The following OR51L1 variants were observed in gnomAD, a reference collection of about 807,000 sequenced individuals.
The protein encoded by OR51L1 is olfactory receptor family 51 subfamily L member 1.
OR51L1 carries 1 observed loss-of-function variant against 1.4 expected under a neutral mutation model. That is an observed-to-expected ratio of 0.72 (90% CI 0.26 to 3.42). The LOEUF is 3.42. OR51L1 is among the 30% of genes most tolerant of loss of function. The pLI is 0.20. For synonymous variants in OR51L1, 156 were observed against 144.2 expected (o/e 1.08, Z -0.59); for missense variants, 378 against 380.0 (o/e 0.99, Z 0.04).
rs749932886 is a variant in OR51L1, at chr11:4,999,528, G to A, written c.546G>A (p.Leu182=). Residue 182 remains leucine, a synonymous_variant, in exon 3 of 3, where the codon TTG becomes TTA. Transcript: ENST00000641819. ...ATGCCCTCTCTCACGCCTTCTGTTTGCACCAGGATGTTCTAAGATTATCCT... is the reference window on the plus strand; with the variant it reads ...ATGCCCTCTCTCACGCCTTCTGTTTACACCAGGATGTTCTAAGATTATCCT... The part of the protein sequence containing the change: ...HGNALSHAFC[L]HQDVLRLSCT... The A allele has an allele frequency of 1.9e-6, 3 of 1,614,002 alleles. No homozygotes were observed. Among genetic ancestry groups the A allele is most frequent in the Non-Finnish European group, 2.5e-6 (3 of 1,179,984 alleles).
rs949330512 is a variant in OR51L1, at chr11:5,001,507, A to G, written c.*1577A>G. ...CAGGATTTTGTGTCTTAATTTGTGAATGGGTTAAGAGTTGTGCACAATCTC... is the reference window on the plus strand; with the variant it reads ...CAGGATTTTGTGTCTTAATTTGTGAGTGGGTTAAGAGTTGTGCACAATCTC... On this transcript the variant is annotated 3_prime_UTR_variant, in exon 3 of 3. Transcript: ENST00000641819. 2 of 152,174 alleles carry G rather than the reference A, an allele frequency of 1.3e-5. No individual in the cohort carries two copies. Among genetic ancestry groups the G allele is most frequent in the Non-Finnish European group, 2.9e-5 (2 of 68,034 alleles). The allele number at this position is 152,174 out of a possible 1,614,324, so 9.4% of individuals were successfully genotyped here. A position where few individuals can be genotyped will look rare whatever the true frequency, so the allele number is the denominator to read the frequency against.
chr11:4,999,517 G>A lies in OR51L1; in HGVS notation c.535G>A (p.Ala179Thr), dbSNP rs114511237. 24 of 1,613,796 alleles carry A rather than the reference G, an allele frequency of 1.5e-5. No homozygotes were observed. The highest frequency in any genetic ancestry group is 8.0e-5 in the African/African-American group (6 of 74,844). ...HYCHGNALSHAFCLHQDVLRL... is the reference protein window; with the variant it reads ...HYCHGNALSHTFCLHQDVLRL... Reference sequence around the variant, plus strand: ...CTGCCATGGCAATGCCCTCTCTCACGCCTTCTGTTTGCACCAGGATGTTCT... The same window carrying A: ...CTGCCATGGCAATGCCCTCTCTCACACCTTCTGTTTGCACCAGGATGTTCT... Residue 179 changes from alanine (A) to threonine (T), a missense_variant, in exon 3 of 3, where the codon GCC becomes ACC. By Grantham distance (58) the Ala-to-Thr change is moderately conservative. Transcript: ENST00000641819.
Position 4,999,703 on chromosome 11 carries a change from A to G in OR51L1, c.721A>G (p.Asn241Asp). Residue 241 changes from asparagine (N) to aspartate (D), a missense_variant, in exon 3 of 3, where the codon AAC (asparagine) becomes GAC (aspartate). Asn to Asp is a conservative substitution (Grantham distance 23, BLOSUM62 1). Coordinates refer to ENST00000641819, the MANE Select transcript of OR51L1 (RefSeq NM_001004755.2). ...TCGTGAAGAGCAGCTAAAGGCACTC[A>G]ACACATGTGTATCCCATATCTGTGT... The part of the protein sequence containing the change: ...ASREEQLKAL[N>D]TCVSHICVVL... 1 of 1,613,970 alleles carries G rather than the reference A, an allele frequency of 6.2e-7. No individual in the cohort carries two copies.
Position 4,999,828 on chromosome 11 carries a change from CCTT to C in OR51L1, c.854_856del (p.Leu285del), listed in dbSNP as rs540001194. On this transcript the variant is annotated inframe_deletion, in exon 3 of 3. Coordinates refer to ENST00000641819, the MANE Select transcript of OR51L1 (RefSeq NM_001004755.2). The stretch of plus-strand genomic sequence containing the variant: ...TCCACATCCTCATGGCAGACATCTA[CCTT>C]CTTCTTCCCCCAGTCCTTAACCCTA... 2.6e-4 allele frequency: 412 copies of C among 1,613,976 alleles called. 1 individual carries two copies. In the African/African-American group the frequency reaches 4.7e-3, roughly 19 times the overall value.
intron 1 of OR51L1, among the ~76,000 whole-genome samples, chr11:4,997,011 C>G (rs1847079463): frequency 6.6e-6 from 1 of 152,034 alleles, no homozygotes; most frequent in Non-Finnish European, 1.5e-5. Context: ...AACACATACT[C>G]TGCTGGGTGT....
Position 5,004,000 on chromosome 11 carries a change from T to C in OR51L1, c.*4070T>C, listed in dbSNP as rs1457802553. 6.6e-6 allele frequency: 1 copy of C among 152,198 alleles called. No homozygotes were observed. The highest frequency in any genetic ancestry group is 1.5e-5 in the Non-Finnish European group (1 of 68,032). The allele number at this position is 152,198 out of a possible 1,614,324, so 9.4% of individuals were successfully genotyped here. A position where few individuals can be genotyped will look rare whatever the true frequency, so the allele number is the denominator to read the frequency against. ...GACAAAAATCACACAGTAATTTGAA[T>C]AGAGTTTATAAATACAAATACTTAT... On this transcript the variant is annotated 3_prime_UTR_variant, in exon 3 of 3. Transcript: ENST00000641819.
At chr11:4,996,116 G>T (rs1347499257) in intron 1 of OR51L1, among the ~76,000 whole-genome samples, 2 of 152,066 alleles carry the variant, frequency 1.3e-5, no homozygotes, top group African/African-American at 4.8e-5. Flanking sequence ...TAATAATATT[G>T]TAGAAATGGG....
In OR51L1 at chr11:4,999,447, G is replaced by A; in HGVS notation, c.465G>A (p.Leu155=). ...KIGLACLLRS[L]GVVLPTPLLL... is the part of the protein sequence containing the mutation. ...GTTTGGCCTGTTTGCTACGAAGCTT[G>A]GGAGTTGTACTTCCCACACCTTTGC... is the stretch of plus-strand genomic sequence containing the variant. Residue 155 remains leucine (L), a synonymous_variant, in exon 3 of 3, where the codon TTG becomes TTA. Transcript: ENST00000641819. 3.1e-6 allele frequency: 5 copies of A among 1,614,132 alleles called. No individual in the cohort carries two copies. In the South Asian group the frequency reaches 5.5e-5, roughly 18 times the overall value.
rs148976493 is a variant in OR51L1, at chr11:4,999,887, G to C, written c.905G>C (p.Arg302Pro). 3.3e-3 allele frequency: 5,258 copies of C among 1,613,448 alleles called. 20 individuals carry two copies. The highest frequency in any genetic ancestry group is 4.1e-3 in the Non-Finnish European group (4,798 of 1,179,648). The change falls in exon 3 of 3, where the codon CGT becomes CCT. Residue 302 changes from arginine to proline, a missense_variant. By Grantham distance (103) the Arg-to-Pro change is moderately radical. Coordinates refer to ENST00000641819, the MANE Select transcript of OR51L1 (RefSeq NM_001004755.2). Reference sequence around the variant, plus strand: ...TATAGTGTCAGAACAAAGCAGATTCGTCTAGGAATTCTCCACAAGTTTGTC... The same window carrying C: ...TATAGTGTCAGAACAAAGCAGATTCCTCTAGGAATTCTCCACAAGTTTGTC... ...IVYSVRTKQIRLGILHKFVLR... is the reference protein window; with the variant it reads ...IVYSVRTKQIPLGILHKFVLR...
rs569355533 is a variant in OR51L1 at position 5,002,262 on chromosome 11, A to T, written c.*2332A>T. The T allele has an allele frequency of 6.6e-6, 1 of 152,294 alleles. No individual in the cohort carries two copies. The highest frequency in any genetic ancestry group is 6.5e-5 in the Admixed American group (1 of 15,294). 9.4% of individuals were successfully genotyped at this position (152,294 alleles called of 1,614,324 possible). A position where few individuals can be genotyped will look rare whatever the true frequency, so the allele number is the denominator to read the frequency against. On this transcript the variant is annotated 3_prime_UTR_variant, in exon 3 of 3. Transcript: ENST00000641819. ...TAAACATTATATATCAGGACTTGAAATTTTTTCTTAGAGAGGAGGTGGTTA... is the reference window on the plus strand; with the variant it reads ...TAAACATTATATATCAGGACTTGAATTTTTTTCTTAGAGAGGAGGTGGTTA...
rs371055282 is a variant in OR51L1 at position 5,000,276 on chromosome 11, T to C, written c.*346T>C. 1 of 184,346 alleles carries C rather than the reference T, an allele frequency of 5.4e-6. No individual in the cohort carries two copies. Among genetic ancestry groups the C allele is most frequent in the Admixed American group, 5.4e-5 (1 of 18,600 alleles). 11.4% of individuals were successfully genotyped at this position (184,346 alleles called of 1,614,324 possible). On this transcript the variant is annotated 3_prime_UTR_variant, in exon 3 of 3. Transcript: ENST00000641819. ...TCCTTCTTAAATGTAGCTGTGTTTA[T>C]ATTGTTTCTCATGTTAATTATCTAA...
chr11:4,998,574 A>G (rs1847093313), intron 2 of OR51L1, among the ~76,000 whole-genome samples: 1 of 152,186 alleles, frequency 6.6e-6, no homozygotes, highest in African/African-American at 2.4e-5. Flanking sequence ...AGAAGCAATA[A>G]CTGATTAACT....
chr11:4,996,885 A>G (rs1048368855), intron 1 of OR51L1, among the ~76,000 whole-genome samples: 1 of 151,774 alleles, frequency 6.6e-6, no homozygotes, highest in Admixed American at 6.6e-5. Context: ...TCAACTGTAC[A>G]ACAGGAGGTC....
At position 4,999,041 on chromosome 11, in the gene OR51L1, C is replaced by T. The variant is rs1370241599; in HGVS notation, c.59C>T (p.Pro20Leu). The part of the protein sequence containing the change: ...VEPIFILRGF[P>L]GLEYVHSWLS... The stretch of plus-strand genomic sequence containing the variant: ...CCCATATTTATCCTGAGGGGTTTTC[C>T]TGGACTGGAGTATGTTCATTCTTGG... Residue 20 changes from proline (P) to leucine (L), a missense_variant, in exon 3 of 3, where the codon CCT becomes CTT. Coordinates refer to ENST00000641819, the MANE Select transcript of OR51L1 (RefSeq NM_001004755.2). 2 of 1,614,064 alleles carry T rather than the reference C, an allele frequency of 1.2e-6. No homozygotes were observed. The highest frequency in any genetic ancestry group is 1.7e-5 in the Admixed American group (1 of 60,016).
rs1454225356 is a variant in OR51L1, at chr11:5,004,490, G to A, written c.*4560G>A. 1 of 152,196 alleles carries A rather than the reference G, an allele frequency of 6.6e-6. No homozygotes were observed. The highest frequency in any genetic ancestry group is 1.5e-5 in the Non-Finnish European group (1 of 68,038). The allele number at this position is 152,196 out of a possible 1,614,324, so 9.4% of individuals were successfully genotyped here. On this transcript the variant is annotated 3_prime_UTR_variant, in exon 3 of 3. Coordinates refer to ENST00000641819, the MANE Select transcript of OR51L1 (RefSeq NM_001004755.2). ...CTAGAGTAACTGCAAGACTCAGTAA[G>A]AGTCTAGCCATATGGGTATTGTTGA...
chr11:4,999,439 C>T lies in OR51L1; in HGVS notation c.457C>T (p.Arg153Ter), dbSNP rs375861466. ...IGKIGLACLLRSLGVVLPTPL... is the reference protein window; with the variant it reads ...IGKIGLACLL Reference sequence around the variant, plus strand: ...CAAAATTGGTTTGGCCTGTTTGCTACGAAGCTTGGGAGTTGTACTTCCCAC... The same window carrying T: ...CAAAATTGGTTTGGCCTGTTTGCTATGAAGCTTGGGAGTTGTACTTCCCAC... The change falls in exon 3 of 3, where the codon CGA becomes TGA. Residue 153 changes from arginine to a stop codon, truncating the protein, a stop_gained. Coordinates refer to ENST00000641819, the MANE Select transcript of OR51L1 (RefSeq NM_001004755.2). LOFTEE classifies it low-confidence loss of function (END_TRUNC). 2.7e-5 allele frequency: 43 copies of T among 1,614,030 alleles called. No homozygotes were observed. Among genetic ancestry groups the T allele is most frequent in the Middle Eastern group, 3.3e-4 (2 of 6,084 alleles).
chr11:4,999,630 A>T lies in OR51L1; in HGVS notation c.648A>T (p.Ile216=). 6.2e-7 allele frequency: 1 copy of T among 1,613,828 alleles called. No individual in the cohort carries two copies. Among genetic ancestry groups the T allele is most frequent in the Non-Finnish European group, 8.5e-7 (1 of 1,179,888 alleles). Residue 216 remains isoleucine (I), a synonymous_variant, in exon 3 of 3, where the codon ATA becomes ATT. Coordinates refer to ENST00000641819, the MANE Select transcript of OR51L1 (RefSeq NM_001004755.2). ...CACTAGGTGTGGATTCAATCTTCAT[A>T]CTTCTTTCTTATGTTCTGATTCTTA... ...IATLGVDSIF[I]LLSYVLILNT...
At position 4,995,096 on chromosome 11, in the gene OR51L1, A is replaced by T. The variant is rs1040639596; in HGVS notation, c.-501A>T. The T allele has an allele frequency of 3.9e-5, 6 of 152,102 alleles. No individual in the cohort carries two copies. The highest frequency in any genetic ancestry group is 1.4e-4 in the African/African-American group (6 of 41,444). The allele number at this position is 152,102 out of a possible 1,614,324, so 9.4% of individuals were successfully genotyped here. A position where few individuals can be genotyped will look rare whatever the true frequency, so the allele number is the denominator to read the frequency against. On this transcript the variant is annotated 5_prime_UTR_variant, in exon 1 of 3. Coordinates refer to ENST00000641819, the MANE Select transcript of OR51L1 (RefSeq NM_001004755.2). ...ACAAACTTAGATAAAAACAAAATAT[A>T]AAAAAATGGCAGCAGGAAGGAGGCT...
intron 1 of OR51L1, 45 bp from the exon 2 acceptor site, chr11:4,997,437 T>G (rs1847082949): frequency 1.3e-5 from 2 of 152,106 alleles, no homozygotes; most frequent in South Asian, 4.1e-4. Context: ...TTGGAAATAT[T>G]TTTACTCTAG....
Sources: gnomAD v4.1 joint callset for allele counts (sites outside exome capture counted in the v4.1 genomes callset) on GRCh38, gnomAD v4.1.1 for gene constraint, MANE v1.5 for transcripts, NCBI Gene and HGNC (gene_info 2026-07-23, HGNC 2026-07-21) for gene names.